The following RIPOR2 variants were observed in gnomAD, a reference collection of about 807,000 sequenced individuals.
RIPOR2 encodes rho family-interacting cell polarization regulator 2.
A neutral mutation model predicts 114.5 loss-of-function variants in RIPOR2; 39 were observed. The ratio of observed to expected loss-of-function variants is 0.34; its 90% confidence interval spans 0.26 to 0.44. The LOEUF is 0.44. Among genes scored for constraint, RIPOR2 ranks in the 20% least tolerant of loss-of-function variants. The probability of loss-of-function intolerance (pLI) is 1.00; values close to 1 mark genes in which losing one functional copy is unlikely to be tolerated. For missense variants in RIPOR2, 1,007 were observed against 1,255.1 expected, an observed-to-expected ratio of 0.80 and a Z score of 2.99; for synonymous variants, 445 against 484.4, an observed-to-expected ratio of 0.92 and a Z score of 1.07.
At chr6:24,888,075 A>G (rs575812790) in intron 1 of RIPOR2, among the ~76,000 whole-genome samples, 1 of 152,324 alleles carries the variant, frequency 6.6e-6, no homozygotes, top group Non-Finnish European at 1.5e-5. Flanking sequence ...ATGAAGCCTG[A>G]GCCTGTTTGT....
At chr6:24,977,532 T>C (rs918406185) in intron 1 of RIPOR2, among the ~76,000 whole-genome samples, 6 of 152,176 alleles carry the variant, frequency 3.9e-5, no homozygotes, top group Admixed American at 1.3e-4. Flanking sequence ...ATCTCCAATA[T>C]TGAAATAAAG....
intron 1 of RIPOR2, among the ~76,000 whole-genome samples, chr6:24,902,940 G>A (rs1010037141): frequency 2.0e-5 from 3 of 152,160 alleles, no homozygotes; most frequent in Admixed American, 6.5e-5. Flanking sequence ...GTGTCTGACC[G>A]TATAAACCAA....
chr6:24,911,457 A>C (rs1401795623), intron 1 of RIPOR2, among the ~76,000 whole-genome samples: 1 of 151,980 alleles, frequency 6.6e-6, no homozygotes, highest in Non-Finnish European at 1.5e-5. Flanking sequence ...GCATTGAAAA[A>C]AATGAGGCGG....
chr6:25,002,385 G>A (rs1308420215), intron 1 of RIPOR2, among the ~76,000 whole-genome samples: 3 of 152,126 alleles, frequency 2.0e-5, no homozygotes, highest in African/African-American at 7.2e-5. Flanking sequence ...GTTACAGAAG[G>A]ACTTATCCAA....
At chr6:24,955,586 A>T (rs910614870) in intron 1 of RIPOR2, among the ~76,000 whole-genome samples, 2 of 151,838 alleles carry the variant, frequency 1.3e-5, no homozygotes, top group African/African-American at 4.8e-5. Flanking sequence ...ACCATCAAGC[A>T]TGACTCTCTT....
At chr6:24,983,092 G>GCTTGT (rs1379514149) in intron 1 of RIPOR2, among the ~76,000 whole-genome samples, 1 of 151,970 alleles carries the variant, frequency 6.6e-6, no homozygotes. Context: ...CAGGGGACTA[G>GCTTGT]AATCTATGCT....
rs1770988635 is a variant in RIPOR2 at position 24,927,257 on chromosome 6, C to CCACTACCACCAG, written c.61+8580_61+8581insCTGGTGGTAGTG. Among the ~76,000 whole-genome samples, 6 of 147,902 alleles carry CCACTACCACCAG rather than the reference C, an allele frequency of 4.1e-5. 1 individual carries two copies. The highest frequency in any genetic ancestry group is 2.1e-4 in the South Asian group (1 of 4,652). On this transcript the variant is annotated intron_variant, in intron 1 of 21. Transcript: ENST00000643898. ...ACCACAACTACAATCACCACCACCACCACCACCACAGCTACAATCACCACC... is the reference window on the plus strand; with the variant it reads ...ACCACAACTACAATCACCACCACCACCACTACCACCAGCACCACCACAGCTACAATCACCACC...
intron 1 of RIPOR2, among the ~76,000 whole-genome samples, chr6:24,925,405 T>C (rs774577687): frequency 6.6e-6 from 1 of 152,108 alleles, no homozygotes; most frequent in East Asian, 1.9e-4. Context: ...TCCAGAAGTG[T>C]AGAGAATTTA....
intron 1 of RIPOR2, among the ~76,000 whole-genome samples, chr6:25,005,700 T>TAG (rs1775523363): frequency 2.7e-5 from 1 of 37,432 alleles, no homozygotes; most frequent in East Asian, 6.5e-4. Context: ...TGGAGATATA[T>TAG]ATATATATAT....
intron 1 of RIPOR2, among the ~76,000 whole-genome samples, chr6:24,923,271 T>C (rs77136585): frequency 0.022 from 3,425 of 152,344 alleles, 76 homozygotes; most frequent in African/African-American, 0.054. Flanking sequence ...ACATTTTGCA[T>C]GGGTGGATAC....
chr6:25,041,117 G>A (rs897289703), intron 1 of RIPOR2, among the ~76,000 whole-genome samples: 2 of 152,176 alleles, frequency 1.3e-5, no homozygotes, highest in African/African-American at 4.8e-5. Flanking sequence ...CAGGAAGAAA[G>A]TGAACTATTC....
chr6:25,015,851 T>A (rs1314884276), intron 1 of RIPOR2: 5 of 148,440 alleles, frequency 3.4e-5, no homozygotes, highest in African/African-American at 1.2e-4. Context: ...GAAAATGAAG[T>A]TAATCATGGT....
In RIPOR2 at chr6:24,867,806, C is replaced by T. The variant is rs112803969; in HGVS notation, c.501+1288G>A. The stretch of plus-strand genomic sequence containing the variant: ...TCTTACCTATCAGTCAGCAGTGGCT[C>T]ATTAAATAAACTGATTAATTGAATC... On this transcript the variant is annotated intron_variant, in intron 6 of 21. Transcript: ENST00000643898. Among the ~76,000 whole-genome samples, 652 of 152,212 alleles carry T rather than the reference C, an allele frequency of 4.3e-3. 2 individuals are homozygous for T. Among genetic ancestry groups the T allele is most frequent in the Middle Eastern group, 0.014 (4 of 294 alleles).
In RIPOR2 at chr6:24,806,493, C is replaced by T. The variant is rs1447125286; in HGVS notation, c.3044-20G>A. 4.0e-6 allele frequency: 6 copies of T among 1,485,154 alleles called. No homozygotes were observed. Among genetic ancestry groups the T allele is most frequent in the Non-Finnish European group, 5.5e-6 (6 of 1,098,064 alleles). The allele number at this position is 1,485,154 out of a possible 1,614,324, so 92.0% of individuals were successfully genotyped here. A position where few individuals can be genotyped will look rare whatever the true frequency, so the allele number is the denominator to read the frequency against. ...CTTCTCCTAAATACAGAACATTAAACATGAATACCAATTCAAACAACGTTT... is the reference window on the plus strand; with the variant it reads ...CTTCTCCTAAATACAGAACATTAAATATGAATACCAATTCAAACAACGTTT... On this transcript the variant is annotated intron_variant, in intron 21 of 21. Coordinates refer to ENST00000643898, the MANE Select transcript of RIPOR2 (RefSeq NM_001286445.3).
At chr6:24,847,165 C>T (rs911633892) in intron 12 of RIPOR2, among the ~76,000 whole-genome samples, 38 of 152,244 alleles carry the variant, frequency 2.5e-4, no homozygotes, top group African/African-American at 8.4e-4. Flanking sequence ...GTTGGCCAGG[C>T]TGGTCTTGAA....
intron 1 of RIPOR2, among the ~76,000 whole-genome samples, chr6:24,958,958 C>CTTCCTTTTTT (rs1554124806): frequency 8.1e-6 from 1 of 123,220 alleles, no homozygotes; most frequent in Non-Finnish European, 1.6e-5. Context: ...TCTACATTTT[C>CTTCCTTTTTT]TTTTTTTTTT....
Position 24,843,356 on chromosome 6 carries a change from C to A in RIPOR2, c.1363G>T (p.Glu455Ter). 2 of 1,613,916 alleles carry A rather than the reference C, an allele frequency of 1.2e-6. No individual in the cohort carries two copies. Among genetic ancestry groups the A allele is most frequent in the Non-Finnish European group, 1.7e-6 (2 of 1,179,870 alleles). The change falls in exon 13 of 22, where the codon GAG (glutamate) becomes TAG (stop). Residue 455 changes from glutamate to a stop codon, truncating the protein, a stop_gained. Transcript: ENST00000643898. LOFTEE classifies it high-confidence loss of function. ...GCTGAGCTGGTGTCATCCATACCCTCATTCTGGGAGGCCAAGCTGCTGAGG... is the reference window on the plus strand; with the variant it reads ...GCTGAGCTGGTGTCATCCATACCCTAATTCTGGGAGGCCAAGCTGCTGAGG... The part of the protein sequence containing the change: ...FNLSSLASQN[E>*]GMDDTSSASS...
intron 1 of RIPOR2, among the ~76,000 whole-genome samples, chr6:24,944,335 A>C (rs1008741369): frequency 2.0e-5 from 3 of 152,210 alleles, no homozygotes; most frequent in Non-Finnish European, 4.4e-5. Context: ...GGTCCCAGGC[A>C]TCTAAAGAAA....
chr6:24,811,059 C>A (rs1029931314), intron 20 of RIPOR2, among the ~76,000 whole-genome samples: 3 of 152,082 alleles, frequency 2.0e-5, no homozygotes, highest in African/African-American at 4.8e-5. Context: ...CCGGCCTCAG[C>A]CTCCCAAAGT....
Sources: allele counts gnomAD v4.1 joint callset (sites outside exome capture counted in the v4.1 genomes callset), GRCh38; gene constraint gnomAD v4.1.1; transcripts MANE v1.5; gene names NCBI Gene and HGNC (gene_info 2026-07-23, HGNC 2026-07-21).